CD22: variants seen among roughly 807,000 people sequenced by gnomAD.
The protein encoded by CD22 is CD22 molecule, also known as B-cell receptor CD22.
A neutral mutation model predicts 94.7 loss-of-function variants in CD22; 51 were observed. The observed-to-expected ratio is 0.54, with a 90% confidence interval of 0.43 to 0.68. CD22 has a LOEUF of 0.68. CD22 is among the 30% of genes least tolerant of loss of function. The pLI is 0.00. For synonymous variants in CD22, 424 were observed against 422.5 expected (o/e 1.00, Z -0.04); for missense variants, 931 against 1,060.4 (o/e 0.88, Z 1.69).
In CD22 at chr19:35,342,009, C is replaced by T. The variant is rs373310027; in HGVS notation, c.2035+44C>T. The T allele has an allele frequency of 1.7e-5, 6 of 351,824 alleles. No individual in the cohort carries two copies. In the African/African-American group the frequency reaches 4.0e-4, roughly 23 times the overall value. 21.8% of individuals were successfully genotyped at this position (351,824 alleles called of 1,614,324 possible). A position where few individuals can be genotyped will look rare whatever the true frequency, so the allele number is the denominator to read the frequency against. On this transcript the variant is annotated intron_variant, in intron 9 of 13. Coordinates refer to ENST00000085219, the MANE Select transcript of CD22 (RefSeq NM_001771.4). ...CTTGTTCTTCTTGGTGGTGGTCAGT[C>T]CTTCCTTCCTTCCTTCCTTCCTTCC...
chr19:35,342,091 C>A (rs1019774842), intron 9 of CD22, 126 bp downstream of exon 9: 1 of 824,764 alleles, frequency 1.2e-6, no homozygotes, highest in Non-Finnish European at 1.9e-6. Flanking sequence ...CCTCTTCTTC[C>A]CCTCCTCCTC....
intron 6 of CD22, 139 bp downstream of exon 6, chr19:35,338,570 T>A: frequency 1.2e-6 from 1 of 802,920 alleles, no homozygotes; most frequent in Non-Finnish European, 2.0e-6. Context: ...ACAACTGCTG[T>A]CTCAGCTCCT....
intron 9 of CD22, 81 bp downstream of exon 9, chr19:35,342,046 CTTCCTTCCTT>C: frequency 8.9e-7 from 1 of 1,122,598 alleles, no homozygotes. Flanking sequence ...TCCTTCCTTC[CTTCCTTCCTT>C]TCTTTCTCTC....
intron 6 of CD22, 126 bp from the exon 7 acceptor site, chr19:35,340,755 C>T (rs949152218): frequency 1.0e-6 from 1 of 1,003,892 alleles, no homozygotes. Flanking sequence ...ACGCACAAGC[C>T]CCCCTTTGAT....
In CD22 at chr19:35,346,187, G is replaced by C. The variant is rs530650512; in HGVS notation, c.2364G>C (p.Pro788=). The change falls in exon 13 of 14, where the codon CCG becomes CCC. Residue 788 remains proline, a synonymous_variant. Transcript: ENST00000085219. The part of the protein sequence containing the change: ...AESSEMQRPP[P]DCDDTVTYSA... ...CCTCAGAGATGCAGAGACCTCCCCC[G>C]GACTGCGATGACACGGTCACTTATT... 11 of 1,613,868 alleles carry C rather than the reference G, an allele frequency of 6.8e-6. No homozygotes were observed. The highest frequency in any genetic ancestry group is 8.5e-6 in the Non-Finnish European group (10 of 1,179,928).
intron 1 of CD22, 109 bp downstream of exon 1, chr19:35,329,339 T>A: frequency 1.6e-6 from 1 of 614,524 alleles, no homozygotes; most frequent in African/African-American, 1.9e-5. Flanking sequence ...GGGACCTCCC[T>A]GGCTCTCTCT....
At chr19:35,334,518 GGAGTGT>G (rs2066690851) in intron 3 of CD22, among the ~76,000 whole-genome samples, 1 of 152,196 alleles carries the variant, frequency 6.6e-6, no homozygotes, top group African/African-American at 2.4e-5. Flanking sequence ...CCTGCCACAG[GGAGTGT>G]GGTCACTCCG....
At position 35,338,254 on chromosome 19, in the gene CD22, A is replaced by G. The variant is rs1365315006; in HGVS notation, c.1072A>G (p.Asn358Asp). 6.2e-7 allele frequency: 1 copy of G among 1,614,134 alleles called. No individual in the cohort carries two copies. Among genetic ancestry groups the G allele is most frequent in the Non-Finnish European group, 8.5e-7 (1 of 1,180,058 alleles). Reference sequence around the variant, plus strand: ...CGAGTTTCTTTGCATGTCACTGGCCAATCCTCTTCCAACAAATTACACGTG... The same window carrying G: ...CGAGTTTCTTTGCATGTCACTGGCCGATCCTCTTCCAACAAATTACACGTG... ...QVEFLCMSLA[N>D]PLPTNYTWYH... Residue 358 changes from asparagine to aspartate, a missense_variant, in exon 6 of 14, where the codon AAT becomes GAT. By Grantham distance (23) the Asn-to-Asp change is conservative. Transcript: ENST00000085219.
At chr19:35,335,668 C>T (rs1181947223) in intron 3 of CD22, among the ~76,000 whole-genome samples, 2 of 152,096 alleles carry the variant, frequency 1.3e-5, no homozygotes, top group African/African-American at 2.4e-5. Context: ...GCCTGGCCAA[C>T]ATGGCGAAAC....
chr19:35,344,931 C>G lies in CD22; in HGVS notation c.2132+6C>G. On this transcript the variant is annotated splice_donor_region_variant and intron_variant, in intron 10 of 13. Transcript: ENST00000085219. ...GGGCTCAAGCTCCAGCGACGGTGAG[C>G]TCCTGCCATCCCCCACCACCTCCTC... 6.2e-7 allele frequency: 1 copy of G among 1,611,792 alleles called. No homozygotes were observed. The highest frequency in any genetic ancestry group is 8.5e-7 in the Non-Finnish European group (1 of 1,177,886).
At chr19:35,331,838 C>G in intron 1 of CD22, 181 bp from the exon 2 acceptor site, 3 of 1,278,314 alleles carry the variant, frequency 2.3e-6, no homozygotes, top group Admixed American at 5.5e-5. Context: ...CAGAGCAAGA[C>G]TCTGTCTCAA....
At chr19:35,345,420 CAAAAAAAAAAAAA>C (rs61349223) in intron 11 of CD22, 169 bp from the exon 12 acceptor site, 13 of 156,874 alleles carry the variant, frequency 8.3e-5, no homozygotes, top group Non-Finnish European at 1.2e-4. Flanking sequence ...GACTCTGCCT[CAAAAAAAAAAAAA>C]AAAAAAAAAA....
chr19:35,336,308 C>T lies in CD22; in HGVS notation c.685C>T (p.Leu229Phe), dbSNP rs2066723148. Residue 229 changes from leucine (L) to phenylalanine (F), a missense_variant, in exon 4 of 14, where the codon CTC becomes TTC. Leu to Phe is a conservative substitution (Grantham distance 22, BLOSUM62 0). Transcript: ENST00000085219. ...CQLQDADGKF[L>F]SNDTVQLNVK... Reference sequence around the variant, plus strand: ...GCTTCAGGATGCAGATGGGAAGTTCCTCTCCAATGACACGGTGCAGCTGAA... The same window carrying T: ...GCTTCAGGATGCAGATGGGAAGTTCTTCTCCAATGACACGGTGCAGCTGAA... The T allele has an allele frequency of 6.2e-7, 1 of 1,614,098 alleles. No homozygotes were observed. Among genetic ancestry groups the T allele is most frequent in the Non-Finnish European group, 8.5e-7 (1 of 1,180,048 alleles).
chr19:35,344,984 T>C, intron 10 of CD22, 59 bp downstream of exon 10: 1 of 1,599,334 alleles, frequency 6.3e-7, no homozygotes, highest in South Asian at 1.1e-5. Context: ...CCGTGTCCAG[T>C]TGCTCCATCT....
rs932664430 is a variant in CD22 at position 35,346,152 on chromosome 19, G to C, written c.2329G>C (p.Asp777His). The stretch of plus-strand genomic sequence containing the variant: ...TCGTCTATCTGCCCTGTCTCTCAGA[G>C]ATGCAGAGTCCTCAGAGATGCAGAG... ...FPEMNIPRTG[D>H]AESSEMQRPP... Residue 777 changes from aspartate to histidine, a missense_variant and splice_region_variant, in exon 13 of 14, where the codon GAT becomes CAT. Transcript: ENST00000085219. 10 of 1,612,306 alleles carry C rather than the reference G, an allele frequency of 6.2e-6. No homozygotes were observed. The highest frequency in any genetic ancestry group is 6.8e-6 in the Non-Finnish European group (8 of 1,178,556).
rs2066905487 is a variant in CD22 at position 35,346,243 on chromosome 19, G to A, written c.2412+8G>A. On this transcript the variant is annotated splice_region_variant and intron_variant, in intron 13 of 13. Coordinates refer to ENST00000085219, the MANE Select transcript of CD22 (RefSeq NM_001771.4). ...TTGCACAAGCGCCAAGTGGTAAGGAGGGTCTCCCCAGGTCTCCCCAGAGGG... is the reference window on the plus strand; with the variant it reads ...TTGCACAAGCGCCAAGTGGTAAGGAAGGTCTCCCCAGGTCTCCCCAGAGGG... 3 of 1,611,936 alleles carry A rather than the reference G, an allele frequency of 1.9e-6. No individual in the cohort carries two copies. Among genetic ancestry groups the A allele is most frequent in the Non-Finnish European group, 2.5e-6 (3 of 1,177,938 alleles).
rs1448739231 is a variant in CD22 at position 35,336,319 on chromosome 19, C to T, written c.696C>T (p.Asp232=). ...QDADGKFLSN[D]TVQLNVKHTP... is the part of the protein sequence containing the mutation. ...CAGATGGGAAGTTCCTCTCCAATGACACGGTGCAGCTGAACGTGAAGCGTG... is the reference window on the plus strand; with the variant it reads ...CAGATGGGAAGTTCCTCTCCAATGATACGGTGCAGCTGAACGTGAAGCGTG... The change falls in exon 4 of 14, where the codon GAC becomes GAT. Residue 232 remains aspartate (D), a synonymous_variant. Coordinates refer to ENST00000085219, the MANE Select transcript of CD22 (RefSeq NM_001771.4). 5 of 1,614,068 alleles carry T rather than the reference C, an allele frequency of 3.1e-6. No individual in the cohort carries two copies. In the African/African-American group the frequency reaches 4.0e-5, roughly 13 times the overall value.
intron 11 of CD22, chr19:35,345,362 A>G: frequency 1.9e-6 from 1 of 536,616 alleles, no homozygotes; most frequent in Non-Finnish European, 3.3e-6. Flanking sequence ...CAGAGGTTGC[A>G]GTGAGCCAAG....
intron 1 of CD22, 30 bp from the exon 2 acceptor site, chr19:35,331,989 T>C (rs183990275): frequency 9.3e-6 from 15 of 1,613,436 alleles, no homozygotes; most frequent in African/African-American, 1.3e-5. Flanking sequence ...AGCGGCCAGA[T>C]GGCTCAAAGA....
Sources: allele counts gnomAD v4.1 joint callset (sites outside exome capture counted in the v4.1 genomes callset), GRCh38; gene constraint gnomAD v4.1.1; transcripts MANE v1.5; gene names NCBI Gene and HGNC (gene_info 2026-07-23, HGNC 2026-07-21).